OR4N2: variants seen among roughly 807,000 people sequenced by gnomAD.
The protein encoded by OR4N2 is olfactory receptor family 4 subfamily N member 2.
For missense variants in OR4N2, 307 were observed against 377.6 expected (o/e 0.81, Z 1.55); for synonymous variants, 141 against 140.4 (o/e 1.00, Z -0.03).
rs1879804278 is a variant in OR4N2 at position 19,829,175 on chromosome 14, G to A, written c.*803G>A. The A allele has an allele frequency of 1.3e-5, 2 of 152,188 alleles. No individual in the cohort carries two copies. The highest frequency in any genetic ancestry group is 4.8e-5 in the African/African-American group (2 of 41,446). 9.4% of individuals were successfully genotyped at this position (152,188 alleles called of 1,614,324 possible). ...TTCTTACATAAATAAGCAGAGAGTG[G>A]CAAAAGAAAGCTGGTTACTTTTACT... On this transcript the variant is annotated 3_prime_UTR_variant, in exon 2 of 2. Coordinates refer to ENST00000557677, the MANE Select transcript of OR4N2 (RefSeq NM_001004723.3).
Position 19,827,627 on chromosome 14 carries a change from A to G in OR4N2, c.179A>G (p.Tyr60Cys), listed in dbSNP as rs1300818101. ...KSDPGLTAPL[Y>C]FFLGNLAFLD... ...GACCCTGGGCTCACAGCCCCCCTCT[A>G]TTTCTTTCTGGGCAACTTGGCCTTC... Residue 60 changes from tyrosine (Y) to cysteine (C), a missense_variant, in exon 2 of 2, where the codon TAT (tyrosine) becomes TGT (cysteine). Coordinates refer to ENST00000557677, the MANE Select transcript of OR4N2 (RefSeq NM_001004723.3). 6.2e-7 allele frequency: 1 copy of G among 1,613,858 alleles called. No homozygotes were observed. The highest frequency in any genetic ancestry group is 8.5e-7 in the Non-Finnish European group (1 of 1,179,934).
At chr14:19,817,188 G>A (rs1879448145) in intron 1 of OR4N2, among the ~76,000 whole-genome samples, 1 of 152,140 alleles carries the variant, frequency 6.6e-6, no homozygotes, top group Non-Finnish European at 1.5e-5. Context: ...TTTGGTATCA[G>A]GATGATGCTG....
chr14:19,825,338 G>A (rs1353425984), intron 1 of OR4N2, among the ~76,000 whole-genome samples: 3 of 152,188 alleles, frequency 2.0e-5, no homozygotes, highest in Non-Finnish European at 4.4e-5. Context: ...CGTACCCTAA[G>A]ATGACACTAT....
In OR4N2 at chr14:19,828,161, C is replaced by G. The variant is rs761577061; in HGVS notation, c.713C>G (p.Ser238Cys). The G allele has an allele frequency of 6.8e-5, 110 of 1,614,218 alleles. No homozygotes were observed. The Middle Eastern group carries it at 2.6e-3, about 39-fold the overall frequency. Residue 238 changes from serine (S) to cysteine (C), a missense_variant, in exon 2 of 2, where the codon TCC (serine) becomes TGC (cysteine). Coordinates refer to ENST00000557677, the MANE Select transcript of OR4N2 (RefSeq NM_001004723.3). The stretch of plus-strand genomic sequence containing the variant: ...TCTGAGGCAAAAAACAAGGCCATGT[C>G]CACGTGCATCACCCATATCATTGTT... ...SSSEAKNKAM[S>C]TCITHIIVIF... is the part of the protein sequence containing the mutation.
chr14:19,816,405 G>T lies in OR4N2; in HGVS notation c.-9-11035G>T, dbSNP rs148468260. 7.8e-3 allele frequency among the ~76,000 whole-genome samples: 1,188 copies of T among 152,136 alleles called. 8 individuals carry two copies. The highest frequency in any genetic ancestry group is 0.026 in the African/African-American group (1,095 of 41,438). On this transcript the variant is annotated intron_variant, in intron 1 of 1. Transcript: ENST00000557677. ...GTGGTTTGTAATTCTCCTTGAAGAG[G>T]TCCTTCATATCCCTTGTTAGTTGTA...
At chr14:19,823,510 T>C (rs1879616632) in intron 1 of OR4N2, among the ~76,000 whole-genome samples, 1 of 152,220 alleles carries the variant, frequency 6.6e-6, no homozygotes, top group Admixed American at 6.5e-5. Flanking sequence ...TTCTCACTCT[T>C]GTTGGGAAAG....
intron 1 of OR4N2, among the ~76,000 whole-genome samples, chr14:19,815,780 A>C (rs778246699): frequency 3.4e-4 from 52 of 151,310 alleles, no homozygotes; most frequent in Non-Finnish European, 6.3e-4. Flanking sequence ...GCCCATGCCT[A>C]TGTCCTGAAT....
intron 1 of OR4N2, among the ~76,000 whole-genome samples, chr14:19,818,929 C>T (rs551925309): frequency 4.6e-4 from 70 of 152,330 alleles, no homozygotes; most frequent in South Asian, 2.9e-3. Context: ...TTTCTTTCTC[C>T]TTCGCTTATG....
intron 1 of OR4N2, among the ~76,000 whole-genome samples, chr14:19,815,655 G>GTTTTTTTTTTTTTTT (rs59019427): frequency 3.6e-5 from 5 of 138,510 alleles, no homozygotes; most frequent in Admixed American, 7.1e-5. Context: ...GTTTTTTTTT[G>GTTTTTTTTTTTTTTT]TTTTTTTTTT....
chr14:19,806,438 G>A (rs1879166813), intron 1 of OR4N2, among the ~76,000 whole-genome samples: 3 of 151,868 alleles, frequency 2.0e-5, no homozygotes, highest in South Asian at 4.1e-4. Flanking sequence ...TATTCTTATA[G>A]CATATGAAAC....
At chr14:19,825,550 T>TTTAG (rs1449123382) in intron 1 of OR4N2, among the ~76,000 whole-genome samples, 1 of 151,376 alleles carries the variant, frequency 6.6e-6, no homozygotes, top group African/African-American at 2.4e-5. Context: ...TATTTATTTA[T>TTTAG]TTATTTATTT....
chr14:19,820,817 C>T (rs1566466723), intron 1 of OR4N2, among the ~76,000 whole-genome samples: 2 of 151,950 alleles, frequency 1.3e-5, no homozygotes, highest in Non-Finnish European at 2.9e-5. Flanking sequence ...CTTCAGAGTG[C>T]TGTGCTGGCA....
At chr14:19,815,988 T>G (rs529834363) in intron 1 of OR4N2, among the ~76,000 whole-genome samples, 233 of 152,344 alleles carry the variant, frequency 1.5e-3, no homozygotes, top group African/African-American at 5.4e-3. Context: ...TTGTCAGGCT[T>G]GTTAAAGATC....
intron 1 of OR4N2, among the ~76,000 whole-genome samples, chr14:19,824,849 T>A (rs1212881145): frequency 6.6e-6 from 1 of 152,262 alleles, no homozygotes; most frequent in African/African-American, 2.4e-5. Flanking sequence ...CAACTGTCTA[T>A]GTTACCAGCA....
intron 1 of OR4N2, among the ~76,000 whole-genome samples, chr14:19,808,582 A>G (rs144511442): frequency 9.8e-5 from 15 of 152,330 alleles, no homozygotes; most frequent in African/African-American, 3.1e-4. Context: ...GATGACAGAA[A>G]TGAATGGAAA....
chr14:19,804,776 A>C (rs1879123186), intron 1 of OR4N2, among the ~76,000 whole-genome samples: 1 of 152,144 alleles, frequency 6.6e-6, no homozygotes. Context: ...TCAATGCTCT[A>C]ATACTGTCAG....
rs147052735 is a variant in OR4N2 at position 19,818,409 on chromosome 14, T to C, written c.-9-9031T>C. Among the ~76,000 whole-genome samples the C allele has an allele frequency of 5.7e-4, 87 of 152,332 alleles. 1 individual carries two copies. The East Asian group carries it at 0.013, about 24-fold the overall frequency. On this transcript the variant is annotated intron_variant, in intron 1 of 1. Coordinates refer to ENST00000557677, the MANE Select transcript of OR4N2 (RefSeq NM_001004723.3). Reference sequence around the variant, plus strand: ...ATTTGGGATAGTTAGCTTTTCTTGTTGCATTGATCCCTTTACCATTATGTA... The same window carrying C: ...ATTTGGGATAGTTAGCTTTTCTTGTCGCATTGATCCCTTTACCATTATGTA...
chr14:19,818,918 T>G (rs1384549292), intron 1 of OR4N2, among the ~76,000 whole-genome samples: 1 of 152,264 alleles, frequency 6.6e-6, no homozygotes, highest in African/African-American at 2.4e-5. Flanking sequence ...CTGTAAAGGA[T>G]TTTCTTTCTC....
chr14:19,820,501 C>T (rs1226554851), intron 1 of OR4N2, among the ~76,000 whole-genome samples: 2 of 152,224 alleles, frequency 1.3e-5, no homozygotes, highest in Non-Finnish European at 2.9e-5. Context: ...CAGGCAGGAA[C>T]ATTTAAGTCT....
Sources: allele counts gnomAD v4.1 joint callset (sites outside exome capture counted in the v4.1 genomes callset), GRCh38; gene constraint gnomAD v4.1.1; transcripts MANE v1.5; gene names NCBI Gene and HGNC (gene_info 2026-07-23, HGNC 2026-07-21).